Variants in TP63 observed in about 807,000 individuals in gnomAD.
The protein encoded by TP63 is tumor protein 63.
TP63 carries 17 observed loss-of-function variants against 82.8 expected under a neutral mutation model. That is an observed-to-expected ratio of 0.21 (90% confidence interval 0.14 to 0.31). The LOEUF (loss-of-function observed/expected upper bound fraction) is 0.31. Among genes scored for constraint, TP63 ranks in the 10% least tolerant of loss-of-function variants. The pLI is 1.00. For synonymous variants in TP63, 330 were observed against 321.7 expected, an observed-to-expected ratio of 1.03 and a Z score of -0.28; for missense variants, 648 against 895.3, an observed-to-expected ratio of 0.72 and a Z score of 3.52.
intron 3 of TP63, among the ~76,000 whole-genome samples, chr3:189,793,877 A>G (rs1003252113): frequency 1.3e-5 from 2 of 152,098 alleles, no homozygotes; most frequent in South Asian, 2.1e-4. Flanking sequence ...TCAGTTGACT[A>G]ATATAGCATT....
At chr3:189,729,226 G>A (rs1719986690) in intron 1 of TP63, among the ~76,000 whole-genome samples, 1 of 152,162 alleles carries the variant, frequency 6.6e-6, no homozygotes, top group Non-Finnish European at 1.5e-5. Flanking sequence ...TAAAGAATGG[G>A]CCACAAAACA....
the TP63 span, among the ~76,000 whole-genome samples, chr3:189,616,041 C>T: frequency 6.6e-6 from 1 of 152,190 alleles, no homozygotes; most frequent in African/African-American, 2.4e-5. Flanking sequence ...TCTTACTGAA[C>T]ATACAACTAC....
chr3:189,689,863 T>C (rs1407647319), intron 1 of TP63, among the ~76,000 whole-genome samples: 1 of 152,166 alleles, frequency 6.6e-6, no homozygotes, highest in African/African-American at 2.4e-5. Flanking sequence ...AGTCACTTTA[T>C]AGGACAGGTA....
chr3:189,616,634 C>T, the TP63 span, among the ~76,000 whole-genome samples: 1 of 152,190 alleles, frequency 6.6e-6, no homozygotes, highest in Non-Finnish European at 1.5e-5. Flanking sequence ...CCTGCTTGGG[C>T]TCAATCTGGG....
chr3:189,780,448 C>G (rs752961481), intron 3 of TP63, among the ~76,000 whole-genome samples: 1 of 152,178 alleles, frequency 6.6e-6, no homozygotes, highest in Non-Finnish European at 1.5e-5. Flanking sequence ...TTCTTGCACT[C>G]TTGAAGTTGG....
At chr3:189,732,364 A>G (rs1227693346) in intron 1 of TP63, among the ~76,000 whole-genome samples, 1 of 152,210 alleles carries the variant, frequency 6.6e-6, no homozygotes, top group Non-Finnish European at 1.5e-5. Flanking sequence ...GATCTAGAAG[A>G]AAATGAGTGG....
At chr3:189,762,691 A>G (rs1577367433) in intron 3 of TP63, among the ~76,000 whole-genome samples, 1 of 152,236 alleles carries the variant, frequency 6.6e-6, no homozygotes, top group South Asian at 2.1e-4. Context: ...TTGGCAAAAG[A>G]ACTAAAATGT....
At chr3:189,761,931 T>G (rs67799575) in intron 3 of TP63, among the ~76,000 whole-genome samples, 16,072 of 152,116 alleles carry the variant, frequency 0.11, 1,461 homozygotes, top group African/African-American at 0.25. Flanking sequence ...TCAGATCTCC[T>G]GAGACTCATT....
intron 1 of TP63, among the ~76,000 whole-genome samples, chr3:189,672,471 AC>A (rs368326462): frequency 5.3e-5 from 8 of 152,122 alleles, no homozygotes; most frequent in African/African-American, 1.4e-4. Context: ...TCATAGTGGC[AC>A]ATGACTGTAG....
At chr3:189,655,638 T>C (rs933204850) in intron 1 of TP63, among the ~76,000 whole-genome samples, 11 of 151,544 alleles carry the variant, frequency 7.3e-5, no homozygotes, top group African/African-American at 2.7e-4. Flanking sequence ...AAAGAAAAAA[T>C]AAAATAAATC....
chr3:189,640,332 A>C (rs1007869023), intron 1 of TP63, among the ~76,000 whole-genome samples: 2 of 152,146 alleles, frequency 1.3e-5, no homozygotes, highest in African/African-American at 4.8e-5. Context: ...TTCTTTCAGC[A>C]TCTTAATTGA....
At chr3:189,600,078 T>C in the TP63 span, among the ~76,000 whole-genome samples, 4 of 152,096 alleles carry the variant, frequency 2.6e-5, no homozygotes, top group African/African-American at 9.7e-5. Flanking sequence ...TTACTGAGAG[T>C]CAAAGATCTT....
intron 5 of TP63, among the ~76,000 whole-genome samples, chr3:189,864,728 T>C (rs113491870): frequency 0.14 from 20,947 of 151,980 alleles, 1,831 homozygotes; most frequent in South Asian, 0.22. Context: ...AATAAGAGGC[T>C]GGGTACGGTG....
chr3:189,652,958 A>G (rs1469089961), intron 1 of TP63, among the ~76,000 whole-genome samples: 1 of 146,854 alleles, frequency 6.8e-6, no homozygotes, highest in African/African-American at 2.6e-5. Context: ...GAGTCAATTA[A>G]ACCTCTTTCC....
At chr3:189,791,085 A>G (rs1187356933) in intron 3 of TP63, among the ~76,000 whole-genome samples, 1 of 152,166 alleles carries the variant, frequency 6.6e-6, no homozygotes. Context: ...AAGTTAGCTT[A>G]AAATGTTACC....
chr3:189,759,292 G>A (rs1323970517), intron 3 of TP63, among the ~76,000 whole-genome samples: 1 of 152,162 alleles, frequency 6.6e-6, no homozygotes, highest in African/African-American at 2.4e-5. Context: ...AAGCCCTCCA[G>A]GTGATTCAGA....
intron 3 of TP63, among the ~76,000 whole-genome samples, chr3:189,805,819 G>A (rs887937379): frequency 2.6e-5 from 4 of 152,176 alleles, no homozygotes; most frequent in African/African-American, 7.2e-5. Context: ...CAGAGTCACC[G>A]TATACTTTGA....
intron 3 of TP63, among the ~76,000 whole-genome samples, chr3:189,758,091 A>G (rs1722316588): frequency 6.6e-6 from 1 of 152,198 alleles, no homozygotes; most frequent in South Asian, 2.1e-4. Flanking sequence ...AATTTTTCAC[A>G]GAGAGTGGGT....
rs780154164 is a variant in TP63 at position 189,631,471 on chromosome 3, A to T, written c.-45A>T. The T allele has an allele frequency of 6.8e-6, 11 of 1,611,314 alleles. No individual in the cohort carries two copies. Among genetic ancestry groups the T allele is most frequent in the South Asian group, 5.5e-5 (5 of 91,012 alleles). The stretch of plus-strand genomic sequence containing the variant: ...ATACACAGGTATATGTGTATATTTT[A>T]TATAATTGTTCTCCGTTCGTTGATA... On this transcript the variant is annotated 5_prime_UTR_variant, in exon 1 of 14. Transcript: ENST00000264731.
Sources: gnomAD v4.1 joint callset for allele counts (sites outside exome capture counted in the v4.1 genomes callset) on GRCh38, gnomAD v4.1.1 for gene constraint, MANE v1.5 for transcripts, NCBI Gene and HGNC (gene_info 2026-07-23, HGNC 2026-07-21) for gene names.